The following BAZ2B variants were observed in gnomAD, a reference collection of about 807,000 sequenced individuals.
The protein encoded by BAZ2B is bromodomain adjacent to zinc finger domain protein 2B.
A neutral mutation model predicts 246.0 loss-of-function variants in BAZ2B; 91 were observed. The ratio of observed to expected loss-of-function variants is 0.37; its 90% CI spans 0.31 to 0.44. The LOEUF (loss-of-function observed/expected upper bound fraction) is 0.44, where lower values mean the gene tolerates loss of function less well. Among genes scored for constraint, BAZ2B ranks in the 20% least tolerant of loss-of-function variants. The pLI is 1.00. For missense variants in BAZ2B, 2,332 were observed against 2,533.7 expected (o/e 0.92, Z 1.71); for synonymous variants, 855 against 860.0 (o/e 0.99, Z 0.10).
chr2:159,379,554 T>C (rs1036992090), intron 25 of BAZ2B, among the ~76,000 whole-genome samples: 2 of 152,196 alleles, frequency 1.3e-5, no homozygotes, highest in Non-Finnish European at 2.9e-5. Flanking sequence ...CATTCTGATT[T>C]AAAATACAAC....
At chr2:159,474,249 G>T (rs1184887656) in intron 3 of BAZ2B, among the ~76,000 whole-genome samples, 1 of 152,150 alleles carries the variant, frequency 6.6e-6, no homozygotes, top group African/African-American at 2.4e-5. Flanking sequence ...GCCTGTATTG[G>T]ATGCATATAT....
At chr2:159,542,972 G>T (rs1215739127) in intron 2 of BAZ2B, among the ~76,000 whole-genome samples, 1 of 152,142 alleles carries the variant, frequency 6.6e-6, no homozygotes, top group Non-Finnish European at 1.5e-5. Flanking sequence ...TTCACTGATT[G>T]CCATGTAACT....
Position 159,432,851 on chromosome 2 carries a change from T to C in BAZ2B, c.1806A>G (p.Lys602=), listed in dbSNP as rs1369743070. Residue 602 remains lysine (K), a synonymous_variant, in exon 9 of 37, where the codon AAA becomes AAG. Coordinates refer to ENST00000392783, the MANE Select transcript of BAZ2B (RefSeq NM_013450.4). ...RGTDSDIPSS[K]DSEDSNEDEE... ...CATCCTCATTTGAATCTTCAGAATCTTTACTACTGGGAATGTCTGAATCTG... is the reference window on the plus strand; with the variant it reads ...CATCCTCATTTGAATCTTCAGAATCCTTACTACTGGGAATGTCTGAATCTG... 6 of 1,614,204 alleles carry C rather than the reference T, an allele frequency of 3.7e-6. No individual in the cohort carries two copies. The highest frequency in any genetic ancestry group is 5.1e-6 in the Non-Finnish European group (6 of 1,180,026).
the BAZ2B span, among the ~76,000 whole-genome samples, chr2:159,699,946 G>A: frequency 1.3e-5 from 2 of 152,152 alleles, no homozygotes; most frequent in East Asian, 1.9e-4. Context: ...TTCCTCTAGA[G>A]AGGAGGAATG....
At position 159,322,610 on chromosome 2, in the gene BAZ2B, G is replaced by A. The variant is rs187608131; in HGVS notation, c.6354-2192C>T. Among the ~76,000 whole-genome samples, 201 of 152,286 alleles carry A rather than the reference G, an allele frequency of 1.3e-3. 2 individuals are homozygous for A. Among genetic ancestry groups the A allele is most frequent in the Middle Eastern group, 6.8e-3 (2 of 294 alleles). ...AAAGGTTAATGATTAACATTAGGGA[G>A]AGTGGAGTCCAGGAGAGAATTCTAG... On this transcript the variant is annotated intron_variant, in intron 36 of 36. Coordinates refer to ENST00000392783, the MANE Select transcript of BAZ2B (RefSeq NM_013450.4).
chr2:159,648,687 T>G, the BAZ2B span, among the ~76,000 whole-genome samples: 1 of 152,250 alleles, frequency 6.6e-6, no homozygotes, highest in Non-Finnish European at 1.5e-5. Flanking sequence ...TATTTCATTA[T>G]ACAGATATCA....
intron 13 of BAZ2B, among the ~76,000 whole-genome samples, chr2:159,425,478 G>A (rs998351334): frequency 2.0e-5 from 3 of 152,168 alleles, no homozygotes; most frequent in Non-Finnish European, 4.4e-5. Context: ...ACAATGCCCG[G>A]CCTGTTTTTC....
chr2:159,466,409 AT>A (rs1395866932), intron 3 of BAZ2B, among the ~76,000 whole-genome samples: 1 of 152,168 alleles, frequency 6.6e-6, no homozygotes, highest in Admixed American at 6.5e-5. Context: ...ATTATTATAT[AT>A]TTTGTGTCAG....
chr2:159,445,498 G>A (rs772388430), intron 6 of BAZ2B, among the ~76,000 whole-genome samples: 47 of 152,148 alleles, frequency 3.1e-4, no homozygotes, highest in Non-Finnish European at 6.3e-4. Flanking sequence ...ATTGCCCACT[G>A]GATGGCAGAG....
Position 159,432,956 on chromosome 2 carries a change from T to A in BAZ2B, c.1701A>T (p.Ala567=). ...PILHSQGKEK[A]VSNNVNPVKT... ...TTACTGGGTTTACATTATTGCTAAC[T>A]GCTTTTTCCTTCCCTTGACTATGCA... The change falls in exon 9 of 37, where the codon GCA becomes GCT. Residue 567 remains alanine (A), a synonymous_variant. Coordinates refer to ENST00000392783, the MANE Select transcript of BAZ2B (RefSeq NM_013450.4). 1 of 1,614,202 alleles carries A rather than the reference T, an allele frequency of 6.2e-7. No homozygotes were observed. Among genetic ancestry groups the A allele is most frequent in the Non-Finnish European group, 8.5e-7 (1 of 1,180,022 alleles).
upstream of BAZ2B, among the ~76,000 whole-genome samples, chr2:159,620,658 T>G (rs1336304280): frequency 6.6e-6 from 1 of 151,644 alleles, no homozygotes; most frequent in Non-Finnish European, 1.5e-5. Flanking sequence ...AAACAACAAG[T>G]GTAAATATGC....
the BAZ2B span, among the ~76,000 whole-genome samples, chr2:159,655,348 T>C: frequency 1.3e-5 from 2 of 152,246 alleles, no homozygotes; most frequent in Admixed American, 1.3e-4. Flanking sequence ...GTTCCCTCCA[T>C]AAACCCACCT....
chr2:159,356,719 T>C (rs2059152222), intron 27 of BAZ2B, among the ~76,000 whole-genome samples: 1 of 152,114 alleles, frequency 6.6e-6, no homozygotes. Context: ...ACACCTCATA[T>C]GGTAGAGCTC....
intron 14 of BAZ2B, among the ~76,000 whole-genome samples, chr2:159,407,332 C>T (rs1056220047): frequency 5.9e-5 from 9 of 151,764 alleles, no homozygotes; most frequent in South Asian, 2.1e-4. Context: ...ATTAGCCAGG[C>T]GTGGTGGTGG....
intron 31 of BAZ2B, among the ~76,000 whole-genome samples, chr2:159,339,836 A>G (rs1481871594): frequency 2.0e-5 from 3 of 152,128 alleles, no homozygotes; most frequent in African/African-American, 7.2e-5. Flanking sequence ...AAATTATTAT[A>G]TATTCTCACT....
intron 1 of BAZ2B, among the ~76,000 whole-genome samples, chr2:159,597,994 T>G (rs1225180081): frequency 5.9e-5 from 1 of 16,830 alleles, no homozygotes; most frequent in East Asian, 1.6e-3. Context: ...ATAGACGTAT[T>G]CTTTTTTTTT....
chr2:159,588,902 C>T (rs1397654788), intron 1 of BAZ2B, among the ~76,000 whole-genome samples: 3 of 152,078 alleles, frequency 2.0e-5, no homozygotes, highest in Non-Finnish European at 4.4e-5. Flanking sequence ...TTTATATAGT[C>T]AGCCACTCTA....
At position 159,319,391 on chromosome 2, in the gene BAZ2B, C is replaced by T. The variant is rs2062447052; in HGVS notation, c.*874G>A. 2 of 152,548 alleles carry T rather than the reference C, an allele frequency of 1.3e-5. No individual in the cohort carries two copies. Among genetic ancestry groups the T allele is most frequent in the South Asian group, 4.1e-4 (2 of 4,832 alleles). The allele number at this position is 152,548 out of a possible 1,614,324, so 9.4% of individuals were successfully genotyped here. Reference sequence around the variant, plus strand: ...CACCCTGTTTCAAAGGCAGGCACTACCAAGATTAAGGAGACGCCACAGTGT... The same window carrying T: ...CACCCTGTTTCAAAGGCAGGCACTATCAAGATTAAGGAGACGCCACAGTGT... On this transcript the variant is annotated 3_prime_UTR_variant, in exon 37 of 37. Transcript: ENST00000392783. The surrounding 1 kb of genome is among the most constrained non-coding windows in gnomAD (Gnocchi z 4.0).
chr2:159,424,322 A>G (rs1023553792), intron 13 of BAZ2B, among the ~76,000 whole-genome samples: 1 of 152,104 alleles, frequency 6.6e-6, no homozygotes, highest in African/African-American at 2.4e-5. Context: ...TTTGTTTTCA[A>G]TTAGCTTTTT....
Sources: allele counts gnomAD v4.1 joint callset (sites outside exome capture counted in the v4.1 genomes callset), GRCh38; gene constraint gnomAD v4.1.1; non-coding constraint Gnocchi (gnomAD v3.1); transcripts MANE v1.5; gene names NCBI Gene and HGNC (gene_info 2026-07-23, HGNC 2026-07-21).